Variants in IFT74 observed in about 807,000 individuals in gnomAD.
IFT74 encodes the protein intraflagellar transport 74.
Under a neutral mutation model 96.7 loss-of-function variants are expected in IFT74, and 92 were observed. That is an observed-to-expected ratio of 0.95 (90% confidence interval 0.80 to 1.13). The LOEUF (loss-of-function observed/expected upper bound fraction) is 1.13, where lower values mean the gene tolerates loss of function less well. IFT74 is among the 50% of genes most tolerant of loss of function. The pLI, the probability that IFT74 is intolerant of heterozygous loss-of-function variation, is 0.00. For synonymous variants in IFT74, 223 were observed against 213.2 expected (o/e 1.05, Z -0.40); for missense variants, 811 against 698.2 (o/e 1.16, Z -1.82).
chr9:27,013,218 T>C (rs1829193374), intron 10 of IFT74, among the ~76,000 whole-genome samples: 1 of 152,180 alleles, frequency 6.6e-6, no homozygotes, highest in African/African-American at 2.4e-5. Flanking sequence ...TAGCTGCAGC[T>C]TTCTTTTTTC....
chr9:27,024,948 C>G (rs897532494), intron 12 of IFT74, among the ~76,000 whole-genome samples: 6 of 149,782 alleles, frequency 4.0e-5, no homozygotes, highest in African/African-American at 1.5e-4. Context: ...CAGAATAACC[C>G]AATCCAACAA....
chr9:26,970,374 G>A (rs1380328712), intron 2 of IFT74, among the ~76,000 whole-genome samples: 1 of 152,048 alleles, frequency 6.6e-6, no homozygotes, highest in Non-Finnish European at 1.5e-5. Context: ...TACACAGTTT[G>A]TATGACTTTG....
intron 14 of IFT74, among the ~76,000 whole-genome samples, chr9:27,046,197 A>G (rs1307516896): frequency 2.0e-5 from 3 of 152,218 alleles, no homozygotes; most frequent in Admixed American, 1.3e-4. Flanking sequence ...TTATAGAAGC[A>G]GGATATTCAC....
chr9:26,948,450 T>TATTA (rs201983799), intron 1 of IFT74, among the ~76,000 whole-genome samples: 591 of 31,294 alleles, frequency 0.019, 10 homozygotes, highest in African/African-American at 0.097. Context: ...TTTCCATTAT[T>TATTA]TTTTTTTTTT....
chr9:27,001,425 GAGTGTATGAGGGTTCCCCTTTCTCC>G (rs1828481723), intron 8 of IFT74, among the ~76,000 whole-genome samples: 1 of 152,062 alleles, frequency 6.6e-6, no homozygotes, highest in African/African-American at 2.4e-5. Context: ...ACATTCCCAA[GAGTGTATGAGGGTTCCCCTTTCTCC>G]ACATCGTCAC....
intron 13 of IFT74, among the ~76,000 whole-genome samples, chr9:27,036,294 G>A (rs1343758961): frequency 7.2e-5 from 11 of 152,134 alleles, no homozygotes; most frequent in Non-Finnish European, 1.6e-4. Context: ...TGTTTTTCAA[G>A]GGTCAACTGT....
chr9:27,003,812 A>G (rs1179729459), intron 8 of IFT74, among the ~76,000 whole-genome samples: 1 of 152,228 alleles, frequency 6.6e-6, no homozygotes, highest in Non-Finnish European at 1.5e-5. Flanking sequence ...AGTGCATTTA[A>G]ACTATCACTT....
intron 2 of IFT74, among the ~76,000 whole-genome samples, chr9:26,967,707 C>G (rs1189240126): frequency 6.6e-6 from 1 of 152,138 alleles, no homozygotes; most frequent in African/African-American, 2.4e-5. Context: ...TTTCCTCATT[C>G]CATAGGATAC....
chr9:26,975,053 G>A (rs928602003), intron 2 of IFT74, among the ~76,000 whole-genome samples: 2 of 151,140 alleles, frequency 1.3e-5, no homozygotes, highest in Admixed American at 1.3e-4. Context: ...ACAGGCTCAT[G>A]GGATGATAAT....
At chr9:27,038,768 T>G (rs1472255443) in intron 13 of IFT74, among the ~76,000 whole-genome samples, 1 of 152,186 alleles carries the variant, frequency 6.6e-6, no homozygotes, top group Admixed American at 6.5e-5. Context: ...AGTCCTCAAT[T>G]TGGATACTTG....
intron 17 of IFT74, 37 bp from the exon 18 acceptor site, chr9:27,056,297 T>C: frequency 6.9e-7 from 1 of 1,449,576 alleles, no homozygotes; most frequent in Non-Finnish European, 9.4e-7. Flanking sequence ...TACTACATAT[T>C]TTCTATAACC....
intron 18 of IFT74, among the ~76,000 whole-genome samples, chr9:27,058,723 G>T (rs1820286274): frequency 6.6e-6 from 1 of 152,122 alleles, no homozygotes; most frequent in Admixed American, 6.5e-5. Context: ...CTATTTCATT[G>T]TATGGATGTA....
At chr9:26,947,398 G>A (rs967485707) in intron 1 of IFT74, 1 of 227,218 alleles carries the variant, frequency 4.4e-6, no homozygotes, top group East Asian at 9.1e-5. Context: ...CCTTCCACCA[G>A]GACGCCTGAC....
intron 13 of IFT74, among the ~76,000 whole-genome samples, chr9:27,032,028 T>G (rs1467808908): frequency 6.6e-6 from 1 of 152,124 alleles, no homozygotes; most frequent in Non-Finnish European, 1.5e-5. Flanking sequence ...TCTTTACTAG[T>G]GTATTCCCTT....
intron 10 of IFT74, 53 bp from the exon 11 acceptor site, chr9:27,016,854 A>G: frequency 2.1e-6 from 3 of 1,406,632 alleles, no homozygotes; most frequent in Non-Finnish European, 1.9e-6. Flanking sequence ...CCTATTTTAG[A>G]ATAATTATTG....
chr9:26,974,305 C>T (rs531026646), intron 2 of IFT74, among the ~76,000 whole-genome samples: 1 of 152,280 alleles, frequency 6.6e-6, no homozygotes, highest in Admixed American at 6.5e-5. Context: ...AGCGGTCGGT[C>T]TTCCCAATTT....
Position 27,044,763 on chromosome 9 carries a change from A to G in IFT74, c.1076A>G (p.Lys359Arg). ...EHQGEMNQKY[K>R]ELKKREEHMD... is the part of the protein sequence containing the mutation. Reference sequence around the variant, plus strand: ...ATAGGTGAAATGAACCAGAAATACAAGGAGCTAAAGAAAAGGGAGGAACAT... The same window carrying G: ...ATAGGTGAAATGAACCAGAAATACAGGGAGCTAAAGAAAAGGGAGGAACAT... Residue 359 changes from lysine to arginine, a missense_variant, in exon 14 of 20, where the codon AAG (lysine) becomes AGG (arginine). Transcript: ENST00000380062. 3 of 1,569,314 alleles carry G rather than the reference A, an allele frequency of 1.9e-6. No homozygotes were observed. The highest frequency in any genetic ancestry group is 2.6e-6 in the Non-Finnish European group (3 of 1,148,312).
intron 11 of IFT74, among the ~76,000 whole-genome samples, chr9:27,017,387 T>G (rs557593935): frequency 6.6e-6 from 1 of 152,122 alleles, no homozygotes; most frequent in East Asian, 1.9e-4. Context: ...ACACCAATTT[T>G]TTATTTTTAT....
intron 16 of IFT74, among the ~76,000 whole-genome samples, chr9:27,050,758 A>G (rs7031655): frequency 0.028 from 4,114 of 148,824 alleles, 216 homozygotes; most frequent in African/African-American, 0.095. Flanking sequence ...GGGAGGAGGG[A>G]TAGCATTAGG....
Sources: gnomAD v4.1 joint callset for allele counts (sites outside exome capture counted in the v4.1 genomes callset) on GRCh38, gnomAD v4.1.1 for gene constraint, MANE v1.5 for transcripts, NCBI Gene and HGNC (gene_info 2026-07-23, HGNC 2026-07-21) for gene names.